USP49: variants seen among roughly 807,000 people sequenced by gnomAD.
USP49 encodes ubiquitin specific peptidase 49.
Under a neutral mutation model 58.6 loss-of-function variants are expected in USP49, and 24 were observed. That is an observed-to-expected ratio of 0.41 (90% CI 0.30 to 0.58). USP49 has a LOEUF of 0.58. USP49 is among the 20% of genes least tolerant of loss of function. The pLI, the probability that USP49 is intolerant of heterozygous loss-of-function variation, is 0.30. For missense variants in USP49, 703 were observed against 866.1 expected, an observed-to-expected ratio of 0.81 and a Z score of 2.36; for synonymous variants, 408 against 365.1, an observed-to-expected ratio of 1.12 and a Z score of -1.34.
rs1285649517 is a variant in USP49, at chr6:41,806,527, T to C, written c.457A>G (p.Arg153Gly). Residue 153 changes from arginine to glycine, a missense_variant, in exon 4 of 8, where the codon AGG becomes GGG. Coordinates refer to ENST00000682992, the MANE Select transcript of USP49 (RefSeq NM_001286554.2). This position sits in a 1 kb window ranked among gnomAD's most constrained non-coding sequence, Gnocchi z 5.9. ...TTCTCGAACCACAGCCGCAGCGTCC[T>C]GGCCAGCAGGCGCTGACGCCGGTAC... ...LWYRRQRLLA[R>G]TLRLWFEKSS... 1 of 1,599,918 alleles carries C rather than the reference T, an allele frequency of 6.3e-7. No homozygotes were observed. Among genetic ancestry groups the C allele is most frequent in the Non-Finnish European group, 8.5e-7 (1 of 1,179,332 alleles).
chr6:41,875,824 C>A (rs1352487498), intron 2 of USP49, among the ~76,000 whole-genome samples: 1 of 152,042 alleles, frequency 6.6e-6, no homozygotes, highest in Admixed American at 6.5e-5. Flanking sequence ...CTCCGCCTCC[C>A]GGGTTCAAGT....
intron 3 of USP49, among the ~76,000 whole-genome samples, chr6:41,845,257 G>A (rs1249344946): frequency 3.9e-5 from 6 of 151,994 alleles, no homozygotes. Flanking sequence ...ATGTAAATAG[G>A]CCAGGTGTGG....
At chr6:41,895,287 AC>A (rs1322406558) in intron 1 of USP49, 36 bp downstream of exon 1, 1 of 12,046 alleles carries the variant, frequency 8.3e-5, no homozygotes, top group African/African-American at 3.6e-4. Context: ...CTGCCTCCCC[AC>A]CTCCTCCGTC....
chr6:41,800,692 C>A (rs573545951), intron 5 of USP49, among the ~76,000 whole-genome samples: 3 of 152,262 alleles, frequency 2.0e-5, no homozygotes, highest in Admixed American at 6.5e-5. Context: ...AAACTCTGAA[C>A]CTCAGTTTCC....
rs768267034 is a variant in USP49, at chr6:41,806,328, G to A, written c.656C>T (p.Ala219Val). 2.0e-6 allele frequency: 3 copies of A among 1,529,074 alleles called. No individual in the cohort carries two copies. Among genetic ancestry groups the A allele is most frequent in the Middle Eastern group, 1.8e-4 (1 of 5,636 alleles). The allele number at this position is 1,529,074 out of a possible 1,614,324, so 94.7% of individuals were successfully genotyped here. Residue 219 changes from alanine to valine, a missense_variant, in exon 4 of 8, where the codon GCG becomes GTG. Physicochemically the swap from Ala to Val is moderately conservative, Grantham distance 64 (BLOSUM62 0). Coordinates refer to ENST00000682992, the MANE Select transcript of USP49 (RefSeq NM_001286554.2). The surrounding 1 kb of genome is among the most constrained non-coding windows in gnomAD (Gnocchi z 5.9). ...GGCGGGGCGCGAGGCAGCCGGGCCC[G>A]CGTCGCGGGGCGTGTGCAGGAGCAG... ...ARLLLHTPRD[A>V]GPAASRPAAL...
intron 3 of USP49, among the ~76,000 whole-genome samples, chr6:41,866,128 GCCAGGA>G (rs1210297998): frequency 1.3e-5 from 2 of 151,706 alleles, no homozygotes; most frequent in Non-Finnish European, 2.9e-5. Context: ...CACCGTGTTA[GCCAGGA>G]TGGTCTCGAC....
chr6:41,812,024 G>A (rs1174254847), intron 3 of USP49, among the ~76,000 whole-genome samples: 5 of 151,870 alleles, frequency 3.3e-5, no homozygotes, highest in Non-Finnish European at 5.9e-5. Flanking sequence ...CAGATTTCCT[G>A]GTTACTACTC....
At chr6:41,837,787 G>A (rs939905055) in intron 3 of USP49, among the ~76,000 whole-genome samples, 6 of 152,186 alleles carry the variant, frequency 3.9e-5, no homozygotes, top group African/African-American at 1.2e-4. Flanking sequence ...ATTAGAAAGT[G>A]GGCAAAGGAC....
chr6:41,826,814 G>A (rs142081489), intron 3 of USP49, among the ~76,000 whole-genome samples: 137 of 152,236 alleles, frequency 9.0e-4, no homozygotes, highest in African/African-American at 3.2e-3. Context: ...AGCCTCCTGT[G>A]GAGGACTGTG....
At chr6:41,807,890 C>T (rs531249737) in intron 3 of USP49, among the ~76,000 whole-genome samples, 1 of 151,854 alleles carries the variant, frequency 6.6e-6, no homozygotes, top group Admixed American at 6.6e-5. Flanking sequence ...TCTCCTGCCT[C>T]AGCCTCCCAG....
chr6:41,837,675 C>G (rs1773751736), intron 3 of USP49, among the ~76,000 whole-genome samples: 1 of 152,054 alleles, frequency 6.6e-6, no homozygotes, highest in Non-Finnish European at 1.5e-5. Flanking sequence ...ACAGACAACC[C>G]ACAGAATGGG....
At chr6:41,882,654 C>T (rs954052003) in intron 2 of USP49, among the ~76,000 whole-genome samples, 1 of 152,198 alleles carries the variant, frequency 6.6e-6, no homozygotes, top group Admixed American at 6.5e-5. Flanking sequence ...CAGTGGCTCA[C>T]GCCTGTAATC....
chr6:41,791,401 T>C lies in USP49; in HGVS notation c.*5132A>G, dbSNP rs1295264978. Reference sequence around the variant, plus strand: ...GTTGGGATTACAGGTGCTAGCCAACTGCATCCAGCCAATGTTTCATTTCAA... The same window carrying C: ...GTTGGGATTACAGGTGCTAGCCAACCGCATCCAGCCAATGTTTCATTTCAA... On this transcript the variant is annotated 3_prime_UTR_variant, in exon 8 of 8. Coordinates refer to ENST00000682992, the MANE Select transcript of USP49 (RefSeq NM_001286554.2). 2 of 152,238 alleles carry C rather than the reference T, an allele frequency of 1.3e-5. No individual in the cohort carries two copies. Among genetic ancestry groups the C allele is most frequent in the Non-Finnish European group, 2.9e-5 (2 of 68,052 alleles). 9.4% of individuals were successfully genotyped at this position (152,238 alleles called of 1,614,324 possible).
At chr6:41,808,684 A>G (rs1325895939) in intron 3 of USP49, among the ~76,000 whole-genome samples, 1 of 152,172 alleles carries the variant, frequency 6.6e-6, no homozygotes, top group East Asian at 1.9e-4. Context: ...TGCTGCGATT[A>G]TAGGTGTGAG....
intron 3 of USP49, among the ~76,000 whole-genome samples, chr6:41,837,871 T>C (rs889970276): frequency 6.6e-6 from 1 of 152,166 alleles, no homozygotes; most frequent in African/African-American, 2.4e-5. Context: ...GCATCACTAA[T>C]CATTAGAGCA....
intron 3 of USP49, among the ~76,000 whole-genome samples, chr6:41,838,153 A>G (rs969866650): frequency 1.3e-5 from 2 of 152,240 alleles, no homozygotes; most frequent in African/African-American, 4.8e-5. Flanking sequence ...ACATGCATGC[A>G]TATGTTCACT....
At chr6:41,808,336 A>T (rs1344726932) in intron 3 of USP49, among the ~76,000 whole-genome samples, 4 of 152,142 alleles carry the variant, frequency 2.6e-5, no homozygotes, top group Non-Finnish European at 5.9e-5. Flanking sequence ...CCCCCTCCCA[A>T]TAATGCTTCT....
Position 41,850,026 on chromosome 6 carries a change from C to T in USP49, c.-29+21538G>A, listed in dbSNP as rs531699645. ...CTCTTAAAATAGCCACAGGATCAAA[C>T]AAGTCACAAGAGAAGTTAGAAAATA... is the stretch of plus-strand genomic sequence containing the variant. On this transcript the variant is annotated intron_variant, in intron 3 of 7. Coordinates refer to ENST00000682992, the MANE Select transcript of USP49 (RefSeq NM_001286554.2). Among the ~76,000 whole-genome samples the T allele has an allele frequency of 2.0e-5, 3 of 152,168 alleles. No homozygotes were observed. The South Asian group carries it at 6.2e-4, about 32-fold the overall frequency.
At chr6:41,888,673 G>A (rs780584264) in intron 2 of USP49, among the ~76,000 whole-genome samples, 5 of 151,754 alleles carry the variant, frequency 3.3e-5, no homozygotes, top group East Asian at 2.0e-4. Context: ...GGCTGATCTC[G>A]AACTCCTGAC....
Sources: allele counts gnomAD v4.1 joint callset (sites outside exome capture counted in the v4.1 genomes callset), GRCh38; gene constraint gnomAD v4.1.1; non-coding constraint Gnocchi (gnomAD v3.1); transcripts MANE v1.5; gene names NCBI Gene and HGNC (gene_info 2026-07-23, HGNC 2026-07-21).